Variants in GRM4 observed in about 807,000 individuals in gnomAD.
GRM4 encodes the protein glutamate metabotropic receptor 4.
A neutral mutation model predicts 81.7 loss-of-function variants in GRM4; 28 were observed. That is an observed-to-expected ratio of 0.34 (90% CI 0.25 to 0.47). The LOEUF is 0.47. Ranked by LOEUF, GRM4 falls within the 20% of genes least tolerant of loss-of-function variation. The pLI is 1.00. For synonymous variants in GRM4, 488 were observed against 528.8 expected, an observed-to-expected ratio of 0.92 and a Z score of 1.06; for missense variants, 948 against 1,290.0, an observed-to-expected ratio of 0.73 and a Z score of 4.06.
rs1329722611 is a variant in GRM4 at position 34,079,930 on chromosome 6, G to C, written c.736+11953C>G. 2.0e-5 allele frequency among the ~76,000 whole-genome samples: 3 copies of C among 151,978 alleles called. No homozygotes were observed. In the East Asian group the frequency reaches 5.8e-4, roughly 29 times the overall value. On this transcript the variant is annotated intron_variant, in intron 3 of 10. Coordinates refer to ENST00000538487, the MANE Select transcript of GRM4 (RefSeq NM_000841.4). Reference sequence around the variant, plus strand: ...CCTGCACAACAGCCAGAGGGATCTCGACCCTCCTCTGCTCCTGACCCTCCA... The same window carrying C: ...CCTGCACAACAGCCAGAGGGATCTCCACCCTCCTCTGCTCCTGACCCTCCA...
chr6:34,123,388 C>T (rs9394188), intron 2 of GRM4, among the ~76,000 whole-genome samples: 68,765 of 151,980 alleles, frequency 0.45, 16,507 homozygotes, highest in Admixed American at 0.55. Flanking sequence ...ACCCCTCGAA[C>T]GCCCCTTAGA....
chr6:34,073,250 A>ACACATCATCAGATACACACCACATGCACG, intron 3 of GRM4, among the ~76,000 whole-genome samples: 1 of 73,740 alleles, frequency 1.4e-5, no homozygotes, highest in Admixed American at 1.3e-4. Flanking sequence ...ACACACACAC[A>ACACATCATCAGATACACACCACATGCACG]TCACCACATA....
rs929348239 is a variant in GRM4 at position 34,068,793 on chromosome 6, G to A, written c.737-6765C>T. 6.6e-6 allele frequency among the ~76,000 whole-genome samples: 1 copy of A among 152,102 alleles called. No homozygotes were observed. Among genetic ancestry groups the A allele is most frequent in the African/African-American group, 2.4e-5 (1 of 41,426 alleles). On this transcript the variant is annotated intron_variant, in intron 3 of 10. Coordinates refer to ENST00000538487, the MANE Select transcript of GRM4 (RefSeq NM_000841.4). This position sits in a 1 kb window ranked among gnomAD's most constrained non-coding sequence, Gnocchi z 4.2. ...ACCTTGGACACTGGGCTCCAGACAAGGAAGGAGAAAAATCCTCCTCCAGAC... is the reference window on the plus strand; with the variant it reads ...ACCTTGGACACTGGGCTCCAGACAAAGAAGGAGAAAAATCCTCCTCCAGAC...
chr6:34,035,676 C>T lies in GRM4; in HGVS notation c.2434G>A (p.Ala812Thr). 1 of 1,558,120 alleles carries T rather than the reference C, an allele frequency of 6.4e-7. No individual in the cohort carries two copies. Among genetic ancestry groups the T allele is most frequent in the Non-Finnish European group, 8.7e-7 (1 of 1,143,586 alleles). Residue 812 changes from alanine to threonine, a missense_variant, in exon 9 of 11, where the codon GCC becomes ACC. By Grantham distance (58) the Ala-to-Thr change is moderately conservative (BLOSUM62 0). Coordinates refer to ENST00000538487, the MANE Select transcript of GRM4 (RefSeq NM_000841.4). The surrounding 1 kb of genome is among the most constrained non-coding windows in gnomAD (Gnocchi z 6.6). ...CGGCCCCCACCACTCACCTTGTCGG[C>T]CGACTGCGAGGTGCCAAAGAAGATG... ...IPIFFGTSQSADKLYIQTTTL... is the reference protein window; with the variant it reads ...IPIFFGTSQSTDKLYIQTTTL...
chr6:34,120,363 GGGTGAGGGAGGCAAGGAAGGCA>G (rs1769761788), intron 2 of GRM4, among the ~76,000 whole-genome samples: 1 of 152,130 alleles, frequency 6.6e-6, no homozygotes, highest in Non-Finnish European at 1.5e-5. Context: ...GGTCCTGTGG[GGGTGAGGGAGGCAAGGAAGGCA>G]GGTGAGGGCT....
At chr6:34,127,593 T>G in intron 2 of GRM4, among the ~76,000 whole-genome samples, 1 of 152,122 alleles carries the variant, frequency 6.6e-6, no homozygotes, top group East Asian at 1.9e-4. Context: ...CTCCGGCTGC[T>G]GAGTGAAGGT....
intron 10 of GRM4, among the ~76,000 whole-genome samples, chr6:34,027,546 C>T (rs1764191521): frequency 6.6e-6 from 1 of 152,208 alleles, no homozygotes; most frequent in Admixed American, 6.5e-5. Context: ...CGGTCCTGGC[C>T]GGCCCATGTC....
intron 9 of GRM4, among the ~76,000 whole-genome samples, chr6:34,030,485 C>T (rs78301741): frequency 0.011 from 1,704 of 152,278 alleles, 16 homozygotes; most frequent in East Asian, 0.026. Context: ...AGTTCTATGT[C>T]GAGGGCCAGC....
At chr6:34,082,583 A>T (rs1464263528) in intron 3 of GRM4, among the ~76,000 whole-genome samples, 1 of 152,222 alleles carries the variant, frequency 6.6e-6, no homozygotes. Flanking sequence ...GCCCAGGGAC[A>T]AGAGCCAGGA....
In GRM4 at chr6:34,059,220, A is replaced by C. The variant is rs1581632221; in HGVS notation, c.873-92T>G. 8.5e-7 allele frequency: 1 copy of C among 1,175,670 alleles called. No individual in the cohort carries two copies. The highest frequency in any genetic ancestry group is 1.2e-6 in the Non-Finnish European group (1 of 813,612). 72.8% of individuals were successfully genotyped at this position (1,175,670 alleles called of 1,614,324 possible). A position where few individuals can be genotyped will look rare whatever the true frequency, so the allele number is the denominator to read the frequency against. On this transcript the variant is annotated intron_variant, in intron 4 of 10. Transcript: ENST00000538487. The surrounding 1 kb of genome is among the most constrained non-coding windows in gnomAD (Gnocchi z 5.7). The stretch of plus-strand genomic sequence containing the variant: ...CACTTGCTTTGGGCCCACGTCCCTC[A>C]CCCCCAGAAGCCCAGGGTCCACAAC...
intron 6 of GRM4, 174 bp downstream of exon 6, chr6:34,056,370 C>T (rs1163328537): frequency 3.3e-6 from 2 of 610,216 alleles, no homozygotes; most frequent in African/African-American, 3.7e-5. Context: ...GGCCCCGCCC[C>T]TCAAGGCCCC....
At chr6:34,112,369 GT>G (rs1362209100) in intron 2 of GRM4, among the ~76,000 whole-genome samples, 1 of 152,214 alleles carries the variant, frequency 6.6e-6, no homozygotes, top group African/African-American at 2.4e-5. Flanking sequence ...AATCAGAGGG[GT>G]TTCCCAGAAG....
rs1244795873 is a variant in GRM4 at position 34,092,476 on chromosome 6, C to T, written c.520-377G>A. Among the ~76,000 whole-genome samples the T allele has an allele frequency of 1.3e-5, 2 of 152,086 alleles. No homozygotes were observed. Among genetic ancestry groups the T allele is most frequent in the African/African-American group, 4.8e-5 (2 of 41,388 alleles). ...GTGGGATTTGGGTGTTGGGAGGGGC[C>T]CTGAGGGGTCATGTGGCCCATCCCA... On this transcript the variant is annotated intron_variant, in intron 2 of 10. Coordinates refer to ENST00000538487, the MANE Select transcript of GRM4 (RefSeq NM_000841.4). The surrounding 1 kb of genome is among the most constrained non-coding windows in gnomAD (Gnocchi z 6.8).
At chr6:34,028,815 C>A (rs776791245) in intron 9 of GRM4, among the ~76,000 whole-genome samples, 9 of 152,120 alleles carry the variant, frequency 5.9e-5, no homozygotes, top group Non-Finnish European at 8.8e-5. Flanking sequence ...AGAGGAGCAC[C>A]CCTTGGTGCT....
At chr6:34,103,980 C>A in intron 2 of GRM4, 1 of 523,010 alleles carries the variant, frequency 1.9e-6, no homozygotes, top group Admixed American at 4.6e-5. Context: ...CATGCACAGC[C>A]TCCCTTGGTA....
chr6:34,071,638 CCA>C (rs1428572761), intron 3 of GRM4, among the ~76,000 whole-genome samples: 1 of 76,430 alleles, frequency 1.3e-5, no homozygotes, highest in East Asian at 4.2e-4. Context: ...CAGATACACA[CCA>C]CACACACCCA....
intron 1 of GRM4, among the ~76,000 whole-genome samples, chr6:34,153,811 C>A (rs537777546): frequency 6.6e-6 from 1 of 152,034 alleles, no homozygotes; most frequent in African/African-American, 2.4e-5. Context: ...CCTGTAATCC[C>A]GGCTACTGGG....
At chr6:34,044,455 G>GAC (rs368048670) in intron 6 of GRM4, among the ~76,000 whole-genome samples, 4,113 of 103,732 alleles carry the variant, frequency 0.04, 167 homozygotes, top group Middle Eastern at 0.12. Flanking sequence ...CACATATATA[G>GAC]ACACACACAC....
intron 2 of GRM4, among the ~76,000 whole-genome samples, chr6:34,124,228 CAG>C (rs1200014726): frequency 1.9e-4 from 29 of 152,228 alleles, no homozygotes; most frequent in African/African-American, 7.0e-4. Flanking sequence ...AACTGCCAAG[CAG>C]AGTCCTGTCC....
Sources: allele counts gnomAD v4.1 joint callset (sites outside exome capture counted in the v4.1 genomes callset), GRCh38; gene constraint gnomAD v4.1.1; non-coding constraint Gnocchi (gnomAD v3.1); transcripts MANE v1.5; gene names NCBI Gene and HGNC (gene_info 2026-07-23, HGNC 2026-07-21).